Variants in ATG5 observed in about 807,000 individuals in gnomAD.
ATG5 encodes the protein autophagy protein 5.
A neutral mutation model predicts 36.5 loss-of-function variants in ATG5; 14 were observed. The ratio of observed to expected loss-of-function variants is 0.38; its 90% CI spans 0.25 to 0.60. The LOEUF (loss-of-function observed/expected upper bound fraction) is 0.60. Among genes scored for constraint, ATG5 ranks in the 20% least tolerant of loss-of-function variants. The pLI is 0.60. For missense variants in ATG5, 195 were observed against 326.7 expected, an observed-to-expected ratio of 0.60 and a Z score of 3.11; for synonymous variants, 95 against 101.5, an observed-to-expected ratio of 0.94 and a Z score of 0.38.
intron 1 of ATG5, among the ~76,000 whole-genome samples, chr6:106,320,178 T>A (rs1277484988): frequency 6.6e-6 from 1 of 152,242 alleles, no homozygotes; most frequent in African/African-American, 2.4e-5. Context: ...ATTCTTTCCA[T>A]CATACTATAT....
At chr6:106,218,684 T>C (rs1466764631) in intron 6 of ATG5, among the ~76,000 whole-genome samples, 2 of 151,946 alleles carry the variant, frequency 1.3e-5, no homozygotes, top group African/African-American at 4.8e-5. Flanking sequence ...TAGTGAAGAG[T>C]ATGAATGCTG....
chr6:106,292,160 C>A (rs1353815194), intron 4 of ATG5, among the ~76,000 whole-genome samples: 6 of 152,148 alleles, frequency 3.9e-5, no homozygotes, highest in African/African-American at 4.8e-5. Context: ...AGTTCAAGCA[C>A]CTGAGACCAA....
intron 4 of ATG5, among the ~76,000 whole-genome samples, chr6:106,290,241 T>C (rs969647632): frequency 2.0e-5 from 3 of 147,344 alleles, no homozygotes; most frequent in African/African-American, 7.4e-5. Context: ...ATTTTATTTA[T>C]CTATTTTATT....
At chr6:106,215,538 GATAA>G (rs138685725) in intron 6 of ATG5, among the ~76,000 whole-genome samples, 9,068 of 152,010 alleles carry the variant, frequency 0.06, 362 homozygotes, top group South Asian at 0.13. Flanking sequence ...AAAGGCAAGT[GATAA>G]ATATTTTACA....
At chr6:106,267,879 T>C (rs1210728822) in intron 5 of ATG5, among the ~76,000 whole-genome samples, 1 of 151,990 alleles carries the variant, frequency 6.6e-6, no homozygotes, top group African/African-American at 2.4e-5. Context: ...CCCAAAACCA[T>C]AAAAACCCTA....
chr6:106,265,601 G>T (rs920297625), intron 5 of ATG5, among the ~76,000 whole-genome samples: 2 of 152,096 alleles, frequency 1.3e-5, no homozygotes, highest in African/African-American at 2.4e-5. Context: ...CCACATAATT[G>T]AAAGTAAAAC....
chr6:106,195,618 T>C (rs920674271), intron 7 of ATG5, among the ~76,000 whole-genome samples: 1 of 152,096 alleles, frequency 6.6e-6, no homozygotes, highest in African/African-American at 2.4e-5. Flanking sequence ...CCATCAAAAA[T>C]ACCTGAAAAG....
intron 6 of ATG5, among the ~76,000 whole-genome samples, chr6:106,202,957 C>G (rs1381269990): frequency 6.6e-6 from 1 of 152,150 alleles, no homozygotes; most frequent in Non-Finnish European, 1.5e-5. Flanking sequence ...GCCAACCGCT[C>G]CTGGCCCCAA....
At chr6:106,280,580 T>C (rs549355042) in intron 4 of ATG5, among the ~76,000 whole-genome samples, 2 of 152,232 alleles carry the variant, frequency 1.3e-5, no homozygotes, top group African/African-American at 4.8e-5. Flanking sequence ...GCAATGATCA[T>C]TGGACATATA....
At chr6:106,211,885 T>C (rs553450122) in intron 6 of ATG5, among the ~76,000 whole-genome samples, 6 of 152,352 alleles carry the variant, frequency 3.9e-5, no homozygotes, top group African/African-American at 1.2e-4. Context: ...ATCAGCTACT[T>C]TGTGTGTGTG....
At chr6:106,308,706 C>T (rs754985650) in intron 2 of ATG5, among the ~76,000 whole-genome samples, 2 of 152,058 alleles carry the variant, frequency 1.3e-5, no homozygotes, top group Non-Finnish European at 2.9e-5. Flanking sequence ...CACAGCTTAC[C>T]ACATAAATGC....
chr6:106,186,193 C>T lies in ATG5; in HGVS notation c.*347G>A, dbSNP rs1016108498. The T allele has an allele frequency of 2.3e-4, 45 of 197,530 alleles. No individual in the cohort carries two copies. The highest frequency in any genetic ancestry group is 3.2e-4 in the Non-Finnish European group (31 of 97,888). The allele number at this position is 197,530 out of a possible 1,614,324, so 12.2% of individuals were successfully genotyped here. On this transcript the variant is annotated 3_prime_UTR_variant, in exon 8 of 8. Coordinates refer to ENST00000369076, the MANE Select transcript of ATG5 (RefSeq NM_004849.4). ...ACCATGGTCACCTTAGGAAATACCCCTGTTTATTTGTTAATCAGAAATACA... is the reference window on the plus strand; with the variant it reads ...ACCATGGTCACCTTAGGAAATACCCTTGTTTATTTGTTAATCAGAAATACA...
intron 7 of ATG5, among the ~76,000 whole-genome samples, chr6:106,201,582 C>A (rs996728428): frequency 6.6e-6 from 1 of 151,996 alleles, no homozygotes; most frequent in Non-Finnish European, 1.5e-5. Context: ...AATACTCATC[C>A]ATTTTTCAGT....
At chr6:106,202,529 T>TA (rs1434591811) in intron 6 of ATG5, 2 of 154,326 alleles carry the variant, frequency 1.3e-5, no homozygotes, top group African/African-American at 4.8e-5. Context: ...AATGGGGAAA[T>TA]ACAGAATGGA....
chr6:106,235,077 T>G (rs193046572), intron 6 of ATG5, among the ~76,000 whole-genome samples: 1 of 152,190 alleles, frequency 6.6e-6, no homozygotes, highest in South Asian at 2.1e-4. Context: ...GAATACAACG[T>G]AGAACAGAGG....
At chr6:106,204,126 A>G (rs937267940) in intron 6 of ATG5, among the ~76,000 whole-genome samples, 1 of 152,192 alleles carries the variant, frequency 6.6e-6, no homozygotes, top group South Asian at 2.1e-4. Context: ...TACCTAACGT[A>G]GATGAGGGGC....
At chr6:106,322,128 T>C (rs142248278) in intron 1 of ATG5, among the ~76,000 whole-genome samples, 18 of 152,324 alleles carry the variant, frequency 1.2e-4, no homozygotes, top group African/African-American at 4.3e-4. Context: ...CGCAATCTAC[T>C]AGAAGTAAGT....
chr6:106,270,313 G>T (rs1466668958), intron 5 of ATG5, among the ~76,000 whole-genome samples: 2 of 152,094 alleles, frequency 1.3e-5, no homozygotes, highest in African/African-American at 4.8e-5. Context: ...GAATGCTCAA[G>T]CAGGTTACAA....
intron 6 of ATG5, among the ~76,000 whole-genome samples, chr6:106,239,205 G>A (rs997882741): frequency 2.0e-5 from 3 of 151,756 alleles, no homozygotes; most frequent in African/African-American, 7.3e-5. Context: ...TGAGATTTTT[G>A]TTTTTCCAAT....
Sources: gnomAD v4.1 joint callset for allele counts (sites outside exome capture counted in the v4.1 genomes callset) on GRCh38, gnomAD v4.1.1 for gene constraint, MANE v1.5 for transcripts, NCBI Gene and HGNC (gene_info 2026-07-23, HGNC 2026-07-21) for gene names.